Variants in BCAR3 observed in about 807,000 individuals in gnomAD.
BCAR3 encodes breast cancer anti-estrogen resistance protein 3.
In BCAR3, 37 loss-of-function variants were observed where a neutral mutation model predicts 80.1. The ratio of observed to expected loss-of-function variants is 0.46; its 90% CI spans 0.36 to 0.61. The LOEUF (loss-of-function observed/expected upper bound fraction) is 0.61. BCAR3 is among the 20% of genes least tolerant of loss of function. BCAR3 has a pLI of 0.00. For synonymous variants in BCAR3, 389 were observed against 418.9 expected, an observed-to-expected ratio of 0.93 and a Z score of 0.87; for missense variants, 978 against 1,068.2, an observed-to-expected ratio of 0.92 and a Z score of 1.18.
At position 93,700,675 on chromosome 1, in the gene BCAR3, G is replaced by A. The variant is rs190773597; in HGVS notation, c.-12+5417C>T. Among the ~76,000 whole-genome samples the A allele has an allele frequency of 3.9e-5, 6 of 152,236 alleles. No homozygotes were observed. In the East Asian group the frequency reaches 1.2e-3, roughly 29 times the overall value. On this transcript the variant is annotated intron_variant, in intron 3 of 13. Transcript: ENST00000370244. ...CACCTCACACATCTAGTAGCACTCC[G>A]GCAACGACTCTGAATACTCCCTGCA...
At position 93,836,764 on chromosome 1, in the gene BCAR3, G is replaced by A. The variant is rs113272667; in HGVS notation, c.-63+8803C>T. Among the ~76,000 whole-genome samples, 119 of 152,196 alleles carry A rather than the reference G, an allele frequency of 7.8e-4. 1 individual carries two copies. Among genetic ancestry groups the A allele is most frequent in the African/African-American group, 2.2e-3 (92 of 41,506 alleles). On this transcript the variant is annotated intron_variant, in intron 2 of 13. Transcript: ENST00000370244. ...AATCACAAAAGAAGTGAAAATGGCC[G>A]GTTCCTGCCTTATCTGATGACATTC...
intron 1 of BCAR3, among the ~76,000 whole-genome samples, chr1:93,676,336 G>A (rs953121374): frequency 4.6e-5 from 7 of 152,194 alleles, no homozygotes; most frequent in African/African-American, 1.7e-4. Flanking sequence ...GTGTTTGTAT[G>A]TGTGTGTACA....
intron 2 of BCAR3, among the ~76,000 whole-genome samples, chr1:93,756,414 G>T (rs2100718527): frequency 6.6e-6 from 1 of 152,262 alleles, no homozygotes; most frequent in African/African-American, 2.4e-5. Context: ...TCCTTTGCAT[G>T]GGACACGAAT....
intron 2 of BCAR3, among the ~76,000 whole-genome samples, chr1:93,665,036 C>G (rs1009156761): frequency 1.3e-5 from 2 of 151,836 alleles, no homozygotes; most frequent in African/African-American, 4.8e-5. Context: ...ATAATGTCCT[C>G]AAGCCTCTAA....
At chr1:93,692,431 C>G (rs910213199) in intron 3 of BCAR3, among the ~76,000 whole-genome samples, 2 of 152,128 alleles carry the variant, frequency 1.3e-5, no homozygotes, top group African/African-American at 2.4e-5. Context: ...AAGAATTGGC[C>G]TAGGTGTCTG....
At chr1:93,726,939 T>C (rs1269395504) in intron 2 of BCAR3, among the ~76,000 whole-genome samples, 1 of 152,230 alleles carries the variant, frequency 6.6e-6, no homozygotes, top group Non-Finnish European at 1.5e-5. Context: ...ATTGGTGTTT[T>C]TTCTTTGTGA....
chr1:93,734,074 G>A (rs1650895233), intron 2 of BCAR3, among the ~76,000 whole-genome samples: 1 of 152,190 alleles, frequency 6.6e-6, no homozygotes, highest in South Asian at 2.1e-4. Context: ...CAGACAGGAT[G>A]AAGACAAATA....
chr1:93,703,983 A>G (rs1649739649), intron 3 of BCAR3, among the ~76,000 whole-genome samples: 1 of 152,258 alleles, frequency 6.6e-6, no homozygotes, highest in South Asian at 2.1e-4. Flanking sequence ...AGTGAAATTA[A>G]ACATTCAGTT....
chr1:93,675,328 C>T (rs1256940277), intron 1 of BCAR3, among the ~76,000 whole-genome samples: 1 of 152,196 alleles, frequency 6.6e-6, no homozygotes, highest in African/African-American at 2.4e-5. Context: ...TTTCACTGCC[C>T]TGTAAATGAT....
chr1:93,746,418 C>T (rs10782967), intron 2 of BCAR3, among the ~76,000 whole-genome samples: 108,589 of 152,196 alleles, frequency 0.71, 39,713 homozygotes, highest in African/African-American at 0.87. Flanking sequence ...AAGTTGAGAC[C>T]TTCTATGTTC....
chr1:93,784,682 C>G (rs1479407521), intron 2 of BCAR3, among the ~76,000 whole-genome samples: 1 of 152,174 alleles, frequency 6.6e-6, no homozygotes, highest in Non-Finnish European at 1.5e-5. Context: ...CTTGTTTAAT[C>G]AACACTTAGA....
At chr1:93,624,427 G>C (rs1311808164) in intron 3 of BCAR3, among the ~76,000 whole-genome samples, 7 of 152,220 alleles carry the variant, frequency 4.6e-5, no homozygotes, top group Non-Finnish European at 7.3e-5. Context: ...ACAGTCCTTA[G>C]GTGGACATGG....
rs748110712 is a variant in BCAR3 at position 93,582,311 on chromosome 1, A to G, written c.1676T>C (p.Met559Thr). The change falls in exon 7 of 12, where the codon ATG (methionine) becomes ACG (threonine). Residue 559 changes from methionine to threonine, a missense_variant. Met to Thr is a moderately conservative substitution (Grantham distance 81). Transcript: ENST00000260502. Reference sequence around the variant, plus strand: ...ACCCCCAGCGCTTACCCTGCAGTCCATGCTCAGTACGTGCTGGGCGATGAC... The same window carrying G: ...ACCCCCAGCGCTTACCCTGCAGTCCGTGCTCAGTACGTGCTGGGCGATGAC... ...PKVIAQHVLSMDCRVARILGV... is the reference protein window; with the variant it reads ...PKVIAQHVLSTDCRVARILGV... 3.7e-6 allele frequency: 6 copies of G among 1,613,734 alleles called. No individual in the cohort carries two copies. In the East Asian group the frequency reaches 1.3e-4, roughly 36 times the overall value.
chr1:93,835,493 C>A (rs904715626), intron 2 of BCAR3, among the ~76,000 whole-genome samples: 1 of 152,190 alleles, frequency 6.6e-6, no homozygotes, highest in African/African-American at 2.4e-5. Flanking sequence ...CCACACAAGG[C>A]AAATGGTTCT....
Position 93,582,754 on chromosome 1 carries a change from C to A in BCAR3, c.1233G>T (p.Pro411=). 1 of 1,614,096 alleles carries A rather than the reference C, an allele frequency of 6.2e-7. No homozygotes were observed. Among genetic ancestry groups the A allele is most frequent in the Non-Finnish European group, 8.5e-7 (1 of 1,180,004 alleles). The change falls in exon 7 of 12, where the codon CCG becomes CCT. Residue 411 remains proline (P), a synonymous_variant. Coordinates refer to ENST00000260502, the MANE Select transcript of BCAR3 (RefSeq NM_003567.4). Reference sequence around the variant, plus strand: ...AGGGAGACGAGGGAACCTTGAGGAACGGCACCTTGCAGGGCTTAGGCGGGG... The same window carrying A: ...AGGGAGACGAGGGAACCTTGAGGAAAGGCACCTTGCAGGGCTTAGGCGGGG... ...PKPPPKPCKV[P]FLKVPSSPSA... is the part of the protein sequence containing the mutation.
intron 2 of BCAR3, among the ~76,000 whole-genome samples, chr1:93,760,000 G>C (rs1284463875): frequency 3.9e-5 from 6 of 152,130 alleles, no homozygotes; most frequent in African/African-American, 1.4e-4. Context: ...CCAGTGAGTG[G>C]GTCAGTAGGT....
intron 2 of BCAR3, among the ~76,000 whole-genome samples, chr1:93,668,492 C>T (rs141868821): frequency 3.3e-5 from 5 of 152,268 alleles, no homozygotes; most frequent in Admixed American, 1.3e-4. Context: ...CACCATTCCT[C>T]GGAATGCACT....
chr1:93,722,115 A>G (rs936939408), intron 2 of BCAR3, among the ~76,000 whole-genome samples: 1 of 152,148 alleles, frequency 6.6e-6, no homozygotes, highest in Non-Finnish European at 1.5e-5. Flanking sequence ...GCCAGGTCCC[A>G]TGGGGGAGGG....
intron 6 of BCAR3, among the ~76,000 whole-genome samples, chr1:93,583,302 T>G (rs1211713470): frequency 6.6e-6 from 1 of 152,076 alleles, no homozygotes; most frequent in Non-Finnish European, 1.5e-5. Flanking sequence ...AATCTTGCCC[T>G]AAGAAACAGA....
Sources: allele counts gnomAD v4.1 joint callset (sites outside exome capture counted in the v4.1 genomes callset), GRCh38; gene constraint gnomAD v4.1.1; transcripts MANE v1.5; gene names NCBI Gene and HGNC (gene_info 2026-07-23, HGNC 2026-07-21).